Variants in TENM1 observed in about 807,000 individuals in gnomAD.
TENM1 encodes the protein teneurin-1.
In TENM1, 35 loss-of-function variants were observed where a neutral mutation model predicts 174.8. That is an observed-to-expected ratio of 0.20 (90% CI 0.15 to 0.27). TENM1 has a LOEUF of 0.27. TENM1 is among the 10% of genes least tolerant of loss of function. TENM1 has a pLI of 1.00. For missense variants in TENM1, 1,633 were observed against 2,130.1 expected, an observed-to-expected ratio of 0.77 and a Z score of 4.59; for synonymous variants, 781 against 798.7, an observed-to-expected ratio of 0.98 and a Z score of 0.37.
At chrX:124,609,117 T>C (rs762543279) in intron 11 of TENM1, among the ~76,000 whole-genome samples, 1 of 111,359 alleles carries the variant, frequency 9.0e-6, no homozygotes, top group Non-Finnish European at 1.9e-5. Flanking sequence ...AAAGCAGAAA[T>C]ACAATTATGC....
chrX:124,651,140 C>T lies in TENM1; in HGVS notation c.1579+774G>A, dbSNP rs193099199. Among the ~76,000 whole-genome samples, 77 of 111,574 alleles carry T rather than the reference C, an allele frequency of 6.9e-4. 1 individual carries two copies. The highest frequency in any genetic ancestry group is 2.4e-3 in the African/African-American group (74 of 30,755). ...AAAAGACATGTGTTTTAGGAAAATTCACACAATACGATACTGTGTCTATGA... is the reference window on the plus strand; with the variant it reads ...AAAAGACATGTGTTTTAGGAAAATTTACACAATACGATACTGTGTCTATGA... On this transcript the variant is annotated intron_variant, in intron 8 of 31. Transcript: ENST00000422452.
At chrX:124,972,932 A>G in the TENM1 span, among the ~76,000 whole-genome samples, 1 of 112,158 alleles carries the variant, frequency 8.9e-6, no homozygotes, top group Non-Finnish European at 1.9e-5. Flanking sequence ...GAGACGGGCT[A>G]ATTTATAAAG....
chrX:124,885,313 G>A (rs2057365761), intron 3 of TENM1, among the ~76,000 whole-genome samples: 1 of 110,180 alleles, frequency 9.1e-6, no homozygotes, highest in Admixed American at 9.7e-5. Context: ...GAACTTTAAT[G>A]AAAATATTTT....
intron 1 of TENM1, among the ~76,000 whole-genome samples, chrX:124,932,958 C>G (rs1177515652): frequency 1.8e-5 from 2 of 111,883 alleles, no homozygotes; most frequent in African/African-American, 6.5e-5. Context: ...ACAATCAGTA[C>G]TGGAATAAAA....
At chrX:124,890,955 AT>A (rs986136070) in intron 3 of TENM1, among the ~76,000 whole-genome samples, 14 of 112,078 alleles carry the variant, frequency 1.2e-4, no homozygotes, top group Non-Finnish European at 2.6e-4. Context: ...ATAATATAAT[AT>A]TATTCAGCCA....
chrX:124,577,590 A>G (rs755172775), intron 11 of TENM1, among the ~76,000 whole-genome samples: 7 of 111,928 alleles, frequency 6.3e-5, no homozygotes, highest in Admixed American at 1.9e-4. Context: ...TTTAAGACAT[A>G]TATTTTGTCT....
At chrX:125,061,871 T>C in the TENM1 span, among the ~76,000 whole-genome samples, 1 of 112,120 alleles carries the variant, frequency 8.9e-6, no homozygotes, top group Non-Finnish European at 1.9e-5. Context: ...ACCACCACAC[T>C]AACTCTGTAT....
At chrX:124,720,981 G>A (rs776546281) in intron 4 of TENM1, among the ~76,000 whole-genome samples, 1 of 112,209 alleles carries the variant, frequency 8.9e-6, no homozygotes, top group South Asian at 3.7e-4. Context: ...AATTAAGCAG[G>A]ATTCTTTCAG....
intron 14 of TENM1, among the ~76,000 whole-genome samples, chrX:124,550,234 G>GC (rs1289606347): frequency 1.8e-5 from 2 of 111,416 alleles, no homozygotes. Flanking sequence ...CTAATTGTAT[G>GC]CCCTTGGCTG....
At chrX:124,659,291 C>CA (rs1426307333) in intron 6 of TENM1, among the ~76,000 whole-genome samples, 2 of 109,914 alleles carry the variant, frequency 1.8e-5, no homozygotes, top group South Asian at 3.8e-4. Flanking sequence ...TTGCCAATTG[C>CA]AAAAAAATCC....
At chrX:124,923,327 G>A (rs1318243230) in intron 1 of TENM1, among the ~76,000 whole-genome samples, 6 of 111,343 alleles carry the variant, frequency 5.4e-5, no homozygotes, top group African/African-American at 2.0e-4. Flanking sequence ...ATCTTCATCT[G>A]TTCCTTTATT....
At chrX:124,877,740 C>T (rs1191965114) in intron 3 of TENM1, among the ~76,000 whole-genome samples, 1 of 110,995 alleles carries the variant, frequency 9.0e-6, no homozygotes, top group Non-Finnish European at 1.9e-5. Context: ...TTAGAGATGC[C>T]GACTACCACA....
intron 23 of TENM1, among the ~76,000 whole-genome samples, chrX:124,444,626 T>C (rs758027530): frequency 9.0e-6 from 1 of 111,295 alleles, no homozygotes; most frequent in African/African-American, 3.3e-5. Flanking sequence ...TTGAAGTAAA[T>C]GTTCTGTGGC....
At chrX:124,871,610 A>G (rs2057109732) in intron 3 of TENM1, among the ~76,000 whole-genome samples, 1 of 112,257 alleles carries the variant, frequency 8.9e-6, no homozygotes, top group South Asian at 3.7e-4. Flanking sequence ...AATGGATGTC[A>G]GAAGAGAAGT....
chrX:124,992,371 G>A, the TENM1 span, among the ~76,000 whole-genome samples: 1 of 110,593 alleles, frequency 9.0e-6, no homozygotes, highest in Non-Finnish European at 1.9e-5. Flanking sequence ...ACCCCAAAAT[G>A]AAGGCCTCAG....
At chrX:124,615,939 T>A (rs1569345008) in intron 11 of TENM1, among the ~76,000 whole-genome samples, 1 of 112,414 alleles carries the variant, frequency 8.9e-6, no homozygotes, top group Non-Finnish European at 1.9e-5. Flanking sequence ...AACACTCAGA[T>A]CTGAACCAGC....
the TENM1 span, among the ~76,000 whole-genome samples, chrX:125,169,092 C>T: frequency 1.8e-5 from 2 of 110,325 alleles, no homozygotes; most frequent in African/African-American, 6.6e-5. Context: ...TATCTCAGTG[C>T]CTAGTGCCCA....
the TENM1 span, among the ~76,000 whole-genome samples, chrX:125,002,380 C>T: frequency 9.0e-6 from 1 of 111,237 alleles, no homozygotes; most frequent in Non-Finnish European, 1.9e-5. Context: ...TCTTTTAATA[C>T]TGAAAGAAGT....
chrX:124,738,035 G>A (rs1047672434), intron 3 of TENM1, among the ~76,000 whole-genome samples: 5 of 111,825 alleles, frequency 4.5e-5, no homozygotes, highest in East Asian at 2.8e-4. Context: ...GCAGGCACAC[G>A]TAAAGACAGT....
Sources: gnomAD v4.1 joint callset for allele counts (sites outside exome capture counted in the v4.1 genomes callset) on GRCh38, gnomAD v4.1.1 for gene constraint, MANE v1.5 for transcripts, NCBI Gene and HGNC (gene_info 2026-07-23, HGNC 2026-07-21) for gene names.